AKT3: variants seen among roughly 807,000 people sequenced by gnomAD.
AKT3 encodes RAC-gamma serine/threonine-protein kinase.
AKT3 carries 15 observed loss-of-function variants against 65.3 expected under a neutral mutation model. The observed-to-expected ratio is 0.23, with a 90% CI of 0.15 to 0.35. The LOEUF (loss-of-function observed/expected upper bound fraction) is 0.35. Ranked by LOEUF, AKT3 falls within the 10% of genes least tolerant of loss-of-function variation. The probability of loss-of-function intolerance (pLI) is 1.00; values close to 1 mark genes in which losing one functional copy is unlikely to be tolerated. For synonymous variants in AKT3, 206 were observed against 183.8 expected, an observed-to-expected ratio of 1.12 and a Z score of -0.98; for missense variants, 243 against 576.5, an observed-to-expected ratio of 0.42 and a Z score of 5.92.
At chr1:243,760,536 T>G (rs904980895) in intron 2 of AKT3, among the ~76,000 whole-genome samples, 2 of 152,112 alleles carry the variant, frequency 1.3e-5, no homozygotes, top group Non-Finnish European at 2.9e-5. Context: ...CACCTAAAAT[T>G]ATTTGTGATA....
intron 2 of AKT3, among the ~76,000 whole-genome samples, chr1:243,784,939 A>G (rs1268750067): frequency 6.6e-6 from 1 of 151,162 alleles, no homozygotes; most frequent in Non-Finnish European, 1.5e-5. Context: ...TTTTATTATT[A>G]TTTCTGTAGA....
chr1:243,836,844 G>A (rs1196368847), intron 2 of AKT3, among the ~76,000 whole-genome samples: 4 of 151,302 alleles, frequency 2.6e-5, no homozygotes, highest in Non-Finnish European at 5.9e-5. Flanking sequence ...TCCAGGAGGC[G>A]GAGGTTGCAG....
intron 3 of AKT3, among the ~76,000 whole-genome samples, chr1:243,673,893 G>T (rs915564953): frequency 6.6e-6 from 1 of 152,154 alleles, no homozygotes; most frequent in African/African-American, 2.4e-5. Context: ...GATTACAGGC[G>T]TGAGCCACTG....
rs1328526309 is a variant in AKT3, at chr1:243,736,602, G to A, written c.47-40886C>T. On this transcript the variant is annotated intron_variant, in intron 2 of 13. Coordinates refer to ENST00000673466, the MANE Select transcript of AKT3 (RefSeq NM_005465.7). Reference sequence around the variant, plus strand: ...TTTTGTTCTTAAAGCTATTTCAAAGGCAAACCAAAACAAGAATGAAGTGAA... The same window carrying A: ...TTTTGTTCTTAAAGCTATTTCAAAGACAAACCAAAACAAGAATGAAGTGAA... 4.6e-5 allele frequency among the ~76,000 whole-genome samples: 7 copies of A among 152,000 alleles called. No individual in the cohort carries two copies. The East Asian group carries it at 1.3e-3, about 29-fold the overall frequency.
intron 2 of AKT3, among the ~76,000 whole-genome samples, chr1:243,797,866 A>T (rs575893726): frequency 6.7e-6 from 1 of 149,586 alleles, no homozygotes; most frequent in African/African-American, 2.4e-5. Flanking sequence ...TAACAAAAAA[A>T]AAAACCAAAA....
intron 2 of AKT3, among the ~76,000 whole-genome samples, chr1:243,838,477 G>A (rs915340148): frequency 6.6e-6 from 1 of 150,982 alleles, no homozygotes; most frequent in Non-Finnish European, 1.5e-5. Context: ...GTCATTTTGT[G>A]AATAAAAAAT....
intron 8 of AKT3, among the ~76,000 whole-genome samples, chr1:243,589,014 T>C (rs921538107): frequency 5.3e-5 from 8 of 151,760 alleles, no homozygotes; most frequent in Admixed American, 1.3e-4. Context: ...ATCCCAAATA[T>C]ATACAAAACT....
intron 9 of AKT3, among the ~76,000 whole-genome samples, chr1:243,572,706 C>T (rs1010712584): frequency 6.6e-6 from 1 of 152,106 alleles, no homozygotes; most frequent in Non-Finnish European, 1.5e-5. Context: ...AGCAGTCGGG[C>T]AGAAATTGCT....
intron 8 of AKT3, among the ~76,000 whole-genome samples, chr1:243,593,237 T>C (rs1676358705): frequency 6.6e-6 from 1 of 152,114 alleles, no homozygotes; most frequent in African/African-American, 2.4e-5. Context: ...TGAGTACAGA[T>C]CAATATCCCT....
chr1:243,762,933 T>A (rs1238846794), intron 2 of AKT3, among the ~76,000 whole-genome samples: 1 of 152,064 alleles, frequency 6.6e-6, no homozygotes, highest in Admixed American at 6.6e-5. Context: ...AAATTGATAT[T>A]TCTAAGTATA....
intron 3 of AKT3, among the ~76,000 whole-genome samples, chr1:243,694,786 T>C (rs1684952472): frequency 6.6e-6 from 1 of 151,954 alleles, no homozygotes; most frequent in African/African-American, 2.4e-5. Context: ...CAAATTTCCC[T>C]TGTATCTTTT....
chr1:243,499,694 A>G (rs1004137100), downstream of AKT3: 2 of 1,318,648 alleles, frequency 1.5e-6, no homozygotes, highest in Non-Finnish European at 2.2e-6. Flanking sequence ...CCAGCAAATG[A>G]GAAGACAAAT....
chr1:243,631,715 T>A lies in AKT3; in HGVS notation c.561+5896A>T, dbSNP rs145218430. Among the ~76,000 whole-genome samples, 230 of 152,356 alleles carry A rather than the reference T, an allele frequency of 1.5e-3. 2 individuals are homozygous for A. Among genetic ancestry groups the A allele is most frequent in the Admixed American group, 3.9e-3 (60 of 15,310 alleles). On this transcript the variant is annotated intron_variant, in intron 6 of 13. Transcript: ENST00000673466. Reference sequence around the variant, plus strand: ...CAACTTTCTTCACAATCGGAGTCAATCCTTTCACAACCTGCCACTGCTTTA... The same window carrying A: ...CAACTTTCTTCACAATCGGAGTCAAACCTTTCACAACCTGCCACTGCTTTA...
intron 8 of AKT3, among the ~76,000 whole-genome samples, chr1:243,598,217 A>G (rs1401222909): frequency 6.6e-6 from 1 of 152,178 alleles, no homozygotes; most frequent in Non-Finnish European, 1.5e-5. Flanking sequence ...AAAAATTATA[A>G]GAAAAATCAT....
chr1:243,616,530 A>G (rs1678336976), intron 6 of AKT3, among the ~76,000 whole-genome samples: 1 of 152,150 alleles, frequency 6.6e-6, no homozygotes, highest in African/African-American at 2.4e-5. Flanking sequence ...TAAAGAAGAA[A>G]CGAAAGGAAG....
Position 243,503,843 on chromosome 1 carries a change from G to A in AKT3, c.*1406C>T, listed in dbSNP as rs375448036. 9.7e-4 allele frequency: 223 copies of A among 229,304 alleles called. 1 individual carries two copies. The highest frequency in any genetic ancestry group is 4.6e-3 in the African/African-American group (209 of 45,192). The allele number at this position is 229,304 out of a possible 1,614,324, so 14.2% of individuals were successfully genotyped here. On this transcript the variant is annotated 3_prime_UTR_variant, in exon 14 of 14. Coordinates refer to ENST00000673466, the MANE Select transcript of AKT3 (RefSeq NM_005465.7). Reference sequence around the variant, plus strand: ...ACTCAAGATGTGTTCATTTTGCCACGTAAAGATCATTTCTTATCTTCACTC... The same window carrying A: ...ACTCAAGATGTGTTCATTTTGCCACATAAAGATCATTTCTTATCTTCACTC...
intron 12 of AKT3, among the ~76,000 whole-genome samples, chr1:243,532,262 T>C (rs1422053604): frequency 1.3e-5 from 2 of 152,216 alleles, no homozygotes; most frequent in Non-Finnish European, 2.9e-5. Context: ...ACTATAGAAA[T>C]GATCCCTTAA....
chr1:243,670,810 T>G (rs1683106972), intron 3 of AKT3, among the ~76,000 whole-genome samples: 1 of 152,176 alleles, frequency 6.6e-6, no homozygotes, highest in Admixed American at 6.5e-5. Context: ...TTTTAAATGT[T>G]CTGCTTACTT....
intron 4 of AKT3, among the ~76,000 whole-genome samples, chr1:243,653,303 T>G (rs955622089): frequency 1.3e-5 from 2 of 152,124 alleles, no homozygotes; most frequent in African/African-American, 4.8e-5. Flanking sequence ...CAAGGAGAAG[T>G]TGAATCCCTG....
Sources: gnomAD v4.1 joint callset for allele counts (sites outside exome capture counted in the v4.1 genomes callset) on GRCh38, gnomAD v4.1.1 for gene constraint, MANE v1.5 for transcripts, NCBI Gene and HGNC (gene_info 2026-07-23, HGNC 2026-07-21) for gene names.